Variants in SLIT1 observed in about 807,000 individuals in gnomAD.
SLIT1 encodes the protein slit guidance ligand 1, also known as slit homolog 1 protein.
A neutral mutation model predicts 186.1 loss-of-function variants in SLIT1; 66 were observed. The observed-to-expected ratio is 0.35, with a 90% CI of 0.29 to 0.44. The LOEUF (loss-of-function observed/expected upper bound fraction) is 0.44, where lower values mean the gene tolerates loss of function less well. Ranked by LOEUF, SLIT1 falls within the 20% of genes least tolerant of loss-of-function variation. The pLI, the probability that SLIT1 is intolerant of heterozygous loss-of-function variation, is 1.00. For synonymous variants in SLIT1, 761 were observed against 833.8 expected, an observed-to-expected ratio of 0.91 and a Z score of 1.50; for missense variants, 1,638 against 2,037.4, an observed-to-expected ratio of 0.80 and a Z score of 3.77.
At chr10:97,091,493 T>C (rs1849231423) in intron 4 of SLIT1, among the ~76,000 whole-genome samples, 2 of 152,234 alleles carry the variant, frequency 1.3e-5, no homozygotes, top group South Asian at 2.1e-4. Context: ...CAATTTTGTA[T>C]TGAACTTTGT....
chr10:97,103,791 G>A (rs995695555), intron 4 of SLIT1: 6 of 152,212 alleles, frequency 3.9e-5, no homozygotes, highest in East Asian at 1.9e-4. Flanking sequence ...ATGACAAGGC[G>A]ATGTGGTTAC....
At chr10:97,093,640 C>G (rs144988664) in intron 4 of SLIT1, among the ~76,000 whole-genome samples, 2 of 152,352 alleles carry the variant, frequency 1.3e-5, no homozygotes, top group Admixed American at 1.3e-4. Context: ...TCCCAGCTGA[C>G]TCTGGAGCTG....
chr10:97,150,098 C>T lies in SLIT1; in HGVS notation c.413+7720G>A, dbSNP rs566019892. Among the ~76,000 whole-genome samples, 12 of 152,186 alleles carry T rather than the reference C, an allele frequency of 7.9e-5. No homozygotes were observed. The East Asian group carries it at 1.7e-3, about 22-fold the overall frequency. On this transcript the variant is annotated intron_variant, in intron 4 of 36. Coordinates refer to ENST00000266058, the MANE Select transcript of SLIT1 (RefSeq NM_003061.3). Reference sequence around the variant, plus strand: ...AAGGGAAGTCTAAGGAGTGATGGACCGCCATCTCAAGGAGTCCCCAGAGGA... The same window carrying T: ...AAGGGAAGTCTAAGGAGTGATGGACTGCCATCTCAAGGAGTCCCCAGAGGA...
chr10:97,094,957 A>G lies in SLIT1; in HGVS notation c.414-28871T>C, dbSNP rs7922231. Among the ~76,000 whole-genome samples, 373 of 152,208 alleles carry G rather than the reference A, an allele frequency of 2.5e-3. 3 individuals carry two copies. The highest frequency in any genetic ancestry group is 8.3e-3 in the African/African-American group (344 of 41,518). Reference sequence around the variant, plus strand: ...CTTTAATTCTCAACTTTAATTCTCTACCCTACCCCTGTCCCAACTGCCAGA... The same window carrying G: ...CTTTAATTCTCAACTTTAATTCTCTGCCCTACCCCTGTCCCAACTGCCAGA... On this transcript the variant is annotated intron_variant, in intron 4 of 36. Transcript: ENST00000266058.
chr10:97,179,594 T>C (rs1230227032), intron 1 of SLIT1, among the ~76,000 whole-genome samples: 1 of 152,240 alleles, frequency 6.6e-6, no homozygotes, highest in African/African-American at 2.4e-5. Context: ...CCTGGGCTGG[T>C]AGCCACTGTG....
In SLIT1 at chr10:97,022,081, C is replaced by T. The variant is rs1023212115; in HGVS notation, c.2583-668G>A. Among the ~76,000 whole-genome samples, 6 of 152,182 alleles carry T rather than the reference C, an allele frequency of 3.9e-5. No homozygotes were observed. The highest frequency in any genetic ancestry group is 2.1e-4 in the South Asian group (1 of 4,824). On this transcript the variant is annotated intron_variant, in intron 25 of 36. Coordinates refer to ENST00000266058, the MANE Select transcript of SLIT1 (RefSeq NM_003061.3). The surrounding 1 kb of genome is among the most constrained non-coding windows in gnomAD (Gnocchi z 4.2). Reference sequence around the variant, plus strand: ...TGCATGGGGAGAAAGCAACCCACATCGACTGCTGCAATGAGACAGCTGCTT... The same window carrying T: ...TGCATGGGGAGAAAGCAACCCACATTGACTGCTGCAATGAGACAGCTGCTT...
At chr10:97,064,959 T>C in intron 5 of SLIT1, 83 bp from the exon 6 acceptor site, 1 of 1,071,856 alleles carries the variant, frequency 9.3e-7, no homozygotes, top group Non-Finnish European at 1.4e-6. Context: ...CGTGCTCCAT[T>C]CATTCAAAAG....
At chr10:97,153,981 T>C (rs1849913792) in intron 4 of SLIT1, 1 of 152,132 alleles carries the variant, frequency 6.6e-6, no homozygotes, top group African/African-American at 2.4e-5. Flanking sequence ...AAACCCCGCC[T>C]CTACCTTTAC....
At chr10:97,023,621 A>T (rs1848519868) in intron 25 of SLIT1, among the ~76,000 whole-genome samples, 1 of 152,212 alleles carries the variant, frequency 6.6e-6, no homozygotes, top group Admixed American at 6.5e-5. Flanking sequence ...TTAGAGATGG[A>T]CAAGACATGG....
In SLIT1 at chr10:97,163,245, C is replaced by A. The variant is rs369685557; in HGVS notation, c.341+135G>T. The A allele has an allele frequency of 3.3e-5, 24 of 731,432 alleles. No homozygotes were observed. The South Asian group carries it at 3.7e-4, about 11-fold the overall frequency. The allele number at this position is 731,432 out of a possible 1,614,324, so 45.3% of individuals were successfully genotyped here. On this transcript the variant is annotated intron_variant, in intron 3 of 36. Coordinates refer to ENST00000266058, the MANE Select transcript of SLIT1 (RefSeq NM_003061.3). ...TCACAGCTGCAGCTGCTCCTGGCTC[C>A]ATCCGCTGGTGGAGGCAGGCTGGGC... is the stretch of plus-strand genomic sequence containing the variant.
intron 10 of SLIT1, 62 bp from the exon 11 acceptor site, chr10:97,059,593 C>T (rs780151623): frequency 1.6e-6 from 2 of 1,235,164 alleles, no homozygotes; most frequent in Non-Finnish European, 2.4e-6. Context: ...AAGCCCTGCC[C>T]AGTCCCCTCC....
intron 4 of SLIT1, among the ~76,000 whole-genome samples, chr10:97,071,856 C>T (rs1849003925): frequency 1.3e-5 from 2 of 152,240 alleles, no homozygotes; most frequent in African/African-American, 2.4e-5. Context: ...ATCAATAACA[C>T]TAGATCCTTA....
intron 4 of SLIT1, among the ~76,000 whole-genome samples, chr10:97,135,284 T>C (rs776710471): frequency 3.9e-5 from 6 of 152,036 alleles, no homozygotes; most frequent in Non-Finnish European, 8.8e-5. Flanking sequence ...GTTCGGCCAT[T>C]TAACATGGTT....
intron 4 of SLIT1, among the ~76,000 whole-genome samples, chr10:97,135,331 A>G (rs1192929754): frequency 6.6e-6 from 1 of 151,962 alleles, no homozygotes; most frequent in East Asian, 1.9e-4. Context: ...TCACTGCGCA[A>G]CTCCATCAGC....
At chr10:97,083,385 A>T (rs2134656323) in intron 4 of SLIT1, among the ~76,000 whole-genome samples, 1 of 152,328 alleles carries the variant, frequency 6.6e-6, no homozygotes, top group East Asian at 1.9e-4. Context: ...CTTCAAACTG[A>T]CGGGCAAGTG....
chr10:97,137,728 G>C (rs1462182127), intron 4 of SLIT1, among the ~76,000 whole-genome samples: 1 of 152,156 alleles, frequency 6.6e-6, no homozygotes, highest in African/African-American at 2.4e-5. Context: ...TGGGATTACA[G>C]GTGTGCCCCA....
At chr10:97,098,956 C>T (rs1220455739) in intron 4 of SLIT1, among the ~76,000 whole-genome samples, 2 of 152,160 alleles carry the variant, frequency 1.3e-5, no homozygotes, top group East Asian at 3.9e-4. Flanking sequence ...CTCCTGTCCC[C>T]AGTTTCCTGA....
At chr10:97,119,402 G>A (rs1849538217) in intron 4 of SLIT1, among the ~76,000 whole-genome samples, 2 of 152,176 alleles carry the variant, frequency 1.3e-5, no homozygotes, top group Admixed American at 1.3e-4. Flanking sequence ...CAATTACAGG[G>A]ACAAAATGAT....
intron 4 of SLIT1, among the ~76,000 whole-genome samples, chr10:97,066,632 C>T (rs1041712093): frequency 1.4e-4 from 21 of 152,204 alleles, no homozygotes; most frequent in African/African-American, 4.8e-4. Flanking sequence ...CGTGAAGTGC[C>T]TGCTCCCCTT....
Sources: allele counts gnomAD v4.1 joint callset (sites outside exome capture counted in the v4.1 genomes callset), GRCh38; gene constraint gnomAD v4.1.1; non-coding constraint Gnocchi (gnomAD v3.1); transcripts MANE v1.5; gene names NCBI Gene and HGNC (gene_info 2026-07-23, HGNC 2026-07-21).